The following TENM1 variants were observed in gnomAD, a reference collection of about 807,000 sequenced individuals.
The protein encoded by TENM1 is teneurin transmembrane protein 1.
TENM1 carries 35 observed loss-of-function variants against 174.8 expected under a neutral mutation model. That is an observed-to-expected ratio of 0.20 (90% CI 0.15 to 0.27). The LOEUF (loss-of-function observed/expected upper bound fraction) is 0.27, where lower values mean the gene tolerates loss of function less well. Ranked by LOEUF, TENM1 falls within the 10% of genes least tolerant of loss-of-function variation. TENM1 has a pLI of 1.00. For synonymous variants in TENM1, 781 were observed against 798.7 expected (o/e 0.98, Z 0.37); for missense variants, 1,633 against 2,130.1 (o/e 0.77, Z 4.59).
chrX:124,896,658 A>G (rs1341305075), intron 1 of TENM1, among the ~76,000 whole-genome samples: 2 of 111,966 alleles, frequency 1.8e-5, no homozygotes, highest in Non-Finnish European at 1.9e-5. Context: ...TAAGTATTCC[A>G]TACACATTGG....
chrX:124,526,236 C>T (rs368327303), intron 16 of TENM1, among the ~76,000 whole-genome samples: 20 of 111,758 alleles, frequency 1.8e-4, no homozygotes, highest in African/African-American at 6.5e-4. Context: ...AGAAGAAATT[C>T]GGCCTTAAGA....
the TENM1 span, among the ~76,000 whole-genome samples, chrX:124,985,410 A>T: frequency 8.9e-6 from 1 of 112,333 alleles, no homozygotes; most frequent in Non-Finnish European, 1.9e-5. Flanking sequence ...ACTTTCTTTG[A>T]TGCAGTGTCA....
At chrX:124,721,970 CTTTTGA>C (rs1218445033) in intron 4 of TENM1, among the ~76,000 whole-genome samples, 4 of 112,128 alleles carry the variant, frequency 3.6e-5, no homozygotes, top group African/African-American at 1.3e-4. Flanking sequence ...ATAGCTAAGC[CTTTTGA>C]TTTTGACAGA....
At chrX:124,741,782 A>G (rs2053805119) in intron 3 of TENM1, among the ~76,000 whole-genome samples, 1 of 111,945 alleles carries the variant, frequency 8.9e-6, no homozygotes, top group Admixed American at 9.4e-5. Context: ...TAGCTGATGG[A>G]TATTGCAGGT....
At chrX:124,961,769 T>C (rs2058658193) in intron 1 of TENM1, among the ~76,000 whole-genome samples, 2 of 111,868 alleles carry the variant, frequency 1.8e-5, no homozygotes, top group Admixed American at 9.5e-5. Context: ...GCTTGTAAGC[T>C]AGGCCTTGAA....
At chrX:124,505,739 T>C (rs1317378982) in intron 18 of TENM1, among the ~76,000 whole-genome samples, 1 of 111,471 alleles carries the variant, frequency 9.0e-6, no homozygotes, top group Non-Finnish European at 1.9e-5. Context: ...ACATTCTTCC[T>C]GGAAAAATGC....
the TENM1 span, among the ~76,000 whole-genome samples, chrX:125,053,572 G>A: frequency 8.0e-5 from 9 of 112,030 alleles, no homozygotes; most frequent in Admixed American, 7.6e-4. Context: ...GTGGGGTGTG[G>A]CTTATGGCTG....
Position 124,915,106 on chromosome X carries a change from T to A in TENM1, c.218-18865A>T, listed in dbSNP as rs1042186843. On this transcript the variant is annotated intron_variant, in intron 1 of 31. Transcript: ENST00000422452. ...TAATTCTTTCTTATATTTGATTTCA[T>A]CTCACTTCCTTGACCCTCCAGACCA... 2.7e-5 allele frequency among the ~76,000 whole-genome samples: 3 copies of A among 111,957 alleles called. No individual in the cohort carries two copies. The Admixed American group carries it at 2.9e-4, about 11-fold the overall frequency.
At chrX:124,529,506 T>C (rs1340490930) in intron 16 of TENM1, among the ~76,000 whole-genome samples, 2 of 112,076 alleles carry the variant, frequency 1.8e-5, no homozygotes, top group East Asian at 5.6e-4. Context: ...TTTTGATGCA[T>C]TCATTTCTGA....
chrX:124,591,650 T>C (rs976800783), intron 11 of TENM1, among the ~76,000 whole-genome samples: 2 of 111,993 alleles, frequency 1.8e-5, no homozygotes, highest in African/African-American at 6.5e-5. Context: ...TGGCTGCTTT[T>C]AAGATTTTTT....
At chrX:124,581,966 T>C (rs897322451) in intron 11 of TENM1, among the ~76,000 whole-genome samples, 1 of 111,838 alleles carries the variant, frequency 8.9e-6, no homozygotes, top group Non-Finnish European at 1.9e-5. Context: ...CATGGTGGTT[T>C]ACTGCACCTA....
chrX:124,406,252 C>T, intron 26 of TENM1, 65 bp downstream of exon 29: 1 of 890,966 alleles, frequency 1.1e-6, no homozygotes, highest in Non-Finnish European at 1.6e-6. Flanking sequence ...ATGGTGTACG[C>T]AGGTTTCAAG....
intron 18 of TENM1, among the ~76,000 whole-genome samples, chrX:124,507,078 T>A (rs2047467551): frequency 9.1e-6 from 1 of 110,328 alleles, no homozygotes; most frequent in African/African-American, 3.3e-5. Flanking sequence ...TCTCTAGCAC[T>A]CTGGAGTAGG....
the TENM1 span, among the ~76,000 whole-genome samples, chrX:125,055,639 T>C: frequency 8.9e-6 from 1 of 111,756 alleles, no homozygotes; most frequent in East Asian, 2.8e-4. Context: ...TACCCACATT[T>C]TGTCCATTCC....
chrX:124,422,762 G>T, intron 23 of TENM1, 124 bp from the exon 27 acceptor site: 1 of 683,957 alleles, frequency 1.5e-6, no homozygotes, highest in Non-Finnish European at 2.2e-6. Context: ...TAGCAACATT[G>T]GTGATGTCTC....
chrX:125,066,888 T>C, the TENM1 span, among the ~76,000 whole-genome samples: 2 of 111,710 alleles, frequency 1.8e-5, no homozygotes, highest in East Asian at 5.7e-4. Context: ...TTTAAGCTTA[T>C]GTCCATTTTT....
chrX:125,032,652 T>A, the TENM1 span, among the ~76,000 whole-genome samples: 20 of 111,440 alleles, frequency 1.8e-4, no homozygotes, highest in African/African-American at 6.5e-4. Flanking sequence ...TCCAAACCAG[T>A]CAGCAAGGTT....
chrX:124,671,987 G>A, intron 5 of TENM1, 152 bp from the exon 9 acceptor site: 1 of 488,546 alleles, frequency 2.0e-6, no homozygotes, highest in East Asian at 3.7e-5. Flanking sequence ...CATACATGTA[G>A]CTACTTACAT....
chrX:124,459,797 T>G (rs1364058342), intron 22 of TENM1, among the ~76,000 whole-genome samples: 1 of 111,119 alleles, frequency 9.0e-6, no homozygotes, highest in African/African-American at 3.3e-5. Context: ...ACCTACAGAA[T>G]GGGAGAAAAT....
Sources: gnomAD v4.1 joint callset for allele counts (sites outside exome capture counted in the v4.1 genomes callset) on GRCh38, gnomAD v4.1.1 for gene constraint, MANE v1.5 for transcripts, NCBI Gene and HGNC (gene_info 2026-07-23, HGNC 2026-07-21) for gene names.